The following CYP26C1 variants were observed in gnomAD, a reference collection of about 807,000 sequenced individuals.
CYP26C1 encodes the protein cytochrome P450 26C1.
A neutral mutation model predicts 39.1 loss-of-function variants in CYP26C1; 41 were observed. The ratio of observed to expected loss-of-function variants is 1.05; its 90% CI spans 0.82 to 1.36. The LOEUF (loss-of-function observed/expected upper bound fraction) is 1.36. Among genes scored for constraint, CYP26C1 ranks in the 40% most tolerant of loss-of-function variants. The pLI is 0.00. For missense variants in CYP26C1, 833 were observed against 752.0 expected (o/e 1.11, Z -1.26); for synonymous variants, 362 against 350.8 (o/e 1.03, Z -0.36).
Position 93,062,839 on chromosome 10 carries a change from C to G in CYP26C1, c.549C>G (p.Asp183Glu), listed in dbSNP as rs762962726. ...CGGGCGGGCCGGTCTCAGTCTACGA[C>G]GCCTCCAAAGCGCTCACCTTCCGCA... is the stretch of plus-strand genomic sequence containing the variant. Reference protein sequence around the residue: ...CAAGGPVSVYDASKALTFRMA... With the variant: ...CAAGGPVSVYEASKALTFRMA... Residue 183 changes from aspartate (D) to glutamate (E), a missense_variant, in exon 3 of 6, where the codon GAC (aspartate) becomes GAG (glutamate). Asp to Glu is a conservative substitution (Grantham distance 45, BLOSUM62 2). Transcript: ENST00000651965. 5 of 1,589,880 alleles carry G rather than the reference C, an allele frequency of 3.1e-6. No homozygotes were observed. The highest frequency in any genetic ancestry group is 4.3e-6 in the Non-Finnish European group (5 of 1,173,554).
chr10:93,061,070 G>A lies in CYP26C1; in HGVS notation c.-194G>A, dbSNP rs1340023324. ...AAGGCACGTTCCCTAAGGGCGCACG[G>A]TCACTGCAGTCTTTCACCGTCCGTC... On this transcript the variant is annotated 5_prime_UTR_variant, in exon 1 of 6. Coordinates refer to ENST00000651965, the MANE Select transcript of CYP26C1 (RefSeq NM_183374.3). 3.4e-6 allele frequency: 2 copies of A among 596,098 alleles called. No homozygotes were observed. Among genetic ancestry groups the A allele is most frequent in the Non-Finnish European group, 5.7e-6 (2 of 350,278 alleles). The allele number at this position is 596,098 out of a possible 1,614,324, so 36.9% of individuals were successfully genotyped here.
At chr10:93,061,869 A>G in intron 1 of CYP26C1, 141 bp from the exon 2 acceptor site, 1 of 760,414 alleles carries the variant, frequency 1.3e-6, no homozygotes, top group African/African-American at 1.7e-5. Flanking sequence ...TAGAGTAGAT[A>G]CCAGGCCCAC....
intron 3 of CYP26C1, 122 bp from the exon 4 acceptor site, chr10:93,064,259 C>G (rs1216713581): frequency 1.4e-6 from 2 of 1,449,134 alleles, no homozygotes; most frequent in Non-Finnish European, 1.8e-6. Context: ...AGGAGCTAAG[C>G]TGGGAAGCTG....
intron 4 of CYP26C1, chr10:93,064,808 C>T (rs1453549637): frequency 3.0e-5 from 34 of 1,144,396 alleles, no homozygotes; most frequent in Admixed American, 1.4e-4. Flanking sequence ...CCACAAATGG[C>T]TCTCTCTCCT....
chr10:93,065,903 C>G lies in CYP26C1; in HGVS notation c.862-53C>G. ...TCTCCACGGGGCCGTCGGGTCAGCG[C>G]CCCGGGCGACTCCACCGCCCGAGAC... On this transcript the variant is annotated intron_variant, in intron 4 of 5. Coordinates refer to ENST00000651965, the MANE Select transcript of CYP26C1 (RefSeq NM_183374.3). 3 of 1,459,910 alleles carry G rather than the reference C, an allele frequency of 2.1e-6. No individual in the cohort carries two copies. The Admixed American group carries it at 7.8e-5, about 38-fold the overall frequency. The allele number at this position is 1,459,910 out of a possible 1,614,324, so 90.4% of individuals were successfully genotyped here.
At chr10:93,067,969 A>G (rs1846847909) in intron 5 of CYP26C1, among the ~76,000 whole-genome samples, 1 of 152,164 alleles carries the variant, frequency 6.6e-6, no homozygotes, top group Non-Finnish European at 1.5e-5. Flanking sequence ...AGGTCAGAAG[A>G]AAAAAAGACA....
Position 93,066,094 on chromosome 10 carries a change from G to A in CYP26C1, c.1000G>A (p.Ala334Thr). Residue 334 changes from alanine to threonine, a missense_variant, in exon 5 of 6, where the codon GCG (alanine) becomes ACG (threonine). Transcript: ENST00000651965. ...EELVAQGLGR[A>T]CGCAPGAAGG... ...GCTGGTGGCGCAGGGGCTGGGGCGC[G>A]CGTGCGGCTGCGCGCCCGGGGCCGC... The A allele has an allele frequency of 7.5e-7, 1 of 1,338,964 alleles. No homozygotes were observed. Among genetic ancestry groups the A allele is most frequent in the Non-Finnish European group, 9.5e-7 (1 of 1,050,800 alleles). The allele number at this position is 1,338,964 out of a possible 1,614,324, so 82.9% of individuals were successfully genotyped here. A position where few individuals can be genotyped will look rare whatever the true frequency, so the allele number is the denominator to read the frequency against.
At chr10:93,066,501 G>C (rs955524668) in intron 5 of CYP26C1, among the ~76,000 whole-genome samples, 1 of 152,266 alleles carries the variant, frequency 6.6e-6, no homozygotes, top group African/African-American at 2.4e-5. Flanking sequence ...GGGACGCAAA[G>C]CCTGGCGAGA....
intron 4 of CYP26C1, 128 bp downstream of exon 4, chr10:93,064,664 G>C: frequency 6.8e-7 from 1 of 1,460,928 alleles, no homozygotes; most frequent in South Asian, 1.5e-5. Context: ...CTCAAGATGA[G>C]GGGCAAGAGG....
intron 5 of CYP26C1, among the ~76,000 whole-genome samples, chr10:93,067,208 C>CTGACAGCCTCATCCCACTTGTAGTG (rs1312725103): frequency 1.3e-5 from 2 of 152,244 alleles, no homozygotes; most frequent in Admixed American, 1.3e-4. Context: ...GGGGCCGGGA[C>CTGACAGCCTCATCCCACTTGTAGTG]TGACAGCCTC....
In CYP26C1 at chr10:93,066,590, G is replaced by A. The variant is rs1489791600; in HGVS notation, c.1191+305G>A. On this transcript the variant is annotated intron_variant, in intron 5 of 5. Coordinates refer to ENST00000651965, the MANE Select transcript of CYP26C1 (RefSeq NM_183374.3). ...TCAATTCAATGAGAGCGGAGTTTTA[G>A]AATAAAAATACTCTTCTATCCGTGC... Among the ~76,000 whole-genome samples, 4 of 152,224 alleles carry A rather than the reference G, an allele frequency of 2.6e-5. No homozygotes were observed. In the East Asian group the frequency reaches 7.7e-4, roughly 29 times the overall value.
At chr10:93,067,988 C>G (rs920403942) in intron 5 of CYP26C1, among the ~76,000 whole-genome samples, 2 of 152,136 alleles carry the variant, frequency 1.3e-5, no homozygotes, top group African/African-American at 4.8e-5. Flanking sequence ...CAAAACCAAA[C>G]GGGAACATAA....
Position 93,068,860 on chromosome 10 carries a change from A to G in CYP26C1, c.*163A>G. The G allele has an allele frequency of 7.9e-7, 1 of 1,263,196 alleles. No individual in the cohort carries two copies. The highest frequency in any genetic ancestry group is 1.0e-6 in the Non-Finnish European group (1 of 965,286). The allele number at this position is 1,263,196 out of a possible 1,614,324, so 78.2% of individuals were successfully genotyped here. A position where few individuals can be genotyped will look rare whatever the true frequency, so the allele number is the denominator to read the frequency against. ...CGCGGATGTGTGCCGGACTCGAGGA[A>G]GGAGGAGGGCGAGCCACCGCTGCCG... On this transcript the variant is annotated 3_prime_UTR_variant, in exon 6 of 6. Transcript: ENST00000651965.
chr10:93,068,619 C>A lies in CYP26C1; in HGVS notation c.1491C>A (p.Ile497=), dbSNP rs140502479. The change falls in exon 6 of 6, where the codon ATC becomes ATA. Residue 497 remains isoleucine (I), a synonymous_variant. Transcript: ENST00000651965. Reference sequence around the variant, plus strand: ...TCCCCGCCATGCAGACGGTGCCCATCGTGCACCCAGTGGACGGGCTGCGGC... The same window carrying A: ...TCCCCGCCATGCAGACGGTGCCCATAGTGCACCCAGTGGACGGGCTGCGGC... ...PAFPAMQTVP[I]VHPVDGLRLF... 8 of 1,601,082 alleles carry A rather than the reference C, an allele frequency of 5.0e-6. No individual in the cohort carries two copies. The East Asian group carries it at 1.8e-4, about 36-fold the overall frequency.
chr10:93,062,761 C>A lies in CYP26C1; in HGVS notation c.471C>A (p.Tyr157Ter). ...RVFSRAALER[Y>*]VPRLQGALRH... ...TCAGCCGCGCCGCGCTGGAGCGCTA[C>A]GTGCCGCGCCTGCAGGGGGCGCTGC... The change falls in exon 3 of 6, where the codon TAC becomes TAA. Residue 157 changes from tyrosine (Y) to a stop codon, truncating the protein, a stop_gained. Coordinates refer to ENST00000651965, the MANE Select transcript of CYP26C1 (RefSeq NM_183374.3). LOFTEE classifies it high-confidence loss of function. 1.3e-6 allele frequency: 2 copies of A among 1,497,488 alleles called. No individual in the cohort carries two copies. Among genetic ancestry groups the A allele is most frequent in the Non-Finnish European group, 1.8e-6 (2 of 1,131,894 alleles). The allele number at this position is 1,497,488 out of a possible 1,614,324, so 92.8% of individuals were successfully genotyped here.
At chr10:93,065,529 C>G (rs1192522267) in intron 4 of CYP26C1, among the ~76,000 whole-genome samples, 2 of 152,214 alleles carry the variant, frequency 1.3e-5, no homozygotes, top group African/African-American at 4.8e-5. Flanking sequence ...GAGCACTGGA[C>G]TCCTGCCGGG....
rs947090500 is a variant in CYP26C1, at chr10:93,061,110, A to G, written c.-154A>G. 5.4e-6 allele frequency: 4 copies of G among 745,344 alleles called. No homozygotes were observed. In the South Asian group the frequency reaches 7.3e-5, roughly 14 times the overall value. The allele number at this position is 745,344 out of a possible 1,614,324, so 46.2% of individuals were successfully genotyped here. On this transcript the variant is annotated 5_prime_UTR_variant, in exon 1 of 6. Coordinates refer to ENST00000651965, the MANE Select transcript of CYP26C1 (RefSeq NM_183374.3). Reference sequence around the variant, plus strand: ...CACCGTCCGTCTGTTTTTAGAACAGAGTTCTGGCCTGAGCTTATAAATCTC... The same window carrying G: ...CACCGTCCGTCTGTTTTTAGAACAGGGTTCTGGCCTGAGCTTATAAATCTC...
rs766534591 is a variant in CYP26C1 at position 93,062,035 on chromosome 10, G to T, written c.230G>T (p.Arg77Leu). The T allele has an allele frequency of 6.4e-7, 1 of 1,573,974 alleles. No homozygotes were observed. The highest frequency in any genetic ancestry group is 8.6e-7 in the Non-Finnish European group (1 of 1,160,442). ...GGCTCGCGCTTCCACAGTTCTCGCC[G>T]AGAGCGCTATGGGACAGTGTTCAAG... ...VQGSRFHSSR[R>L]ERYGTVFKTH... Residue 77 changes from arginine to leucine, a missense_variant, in exon 2 of 6, where the codon CGA becomes CTA. By Grantham distance (102) the Arg-to-Leu change is moderately radical. Coordinates refer to ENST00000651965, the MANE Select transcript of CYP26C1 (RefSeq NM_183374.3).
chr10:93,066,371 A>G (rs1209610946), intron 5 of CYP26C1, 86 bp downstream of exon 5: 46 of 1,196,332 alleles, frequency 3.8e-5, no homozygotes, highest in Non-Finnish European at 4.7e-5. Flanking sequence ...GGCGGCGCCC[A>G]GGTGGGAGGA....
Sources: allele counts gnomAD v4.1 joint callset (sites outside exome capture counted in the v4.1 genomes callset), GRCh38; gene constraint gnomAD v4.1.1; transcripts MANE v1.5; gene names NCBI Gene and HGNC (gene_info 2026-07-23, HGNC 2026-07-21).